GDF5: variants seen among roughly 807,000 people sequenced by gnomAD.
GDF5 encodes growth differentiation factor 5.
Under a neutral mutation model 34.6 loss-of-function variants are expected in GDF5, and 17 were observed. That is an observed-to-expected ratio of 0.49 (90% CI 0.34 to 0.74). GDF5 has a LOEUF of 0.74. Ranked by LOEUF, GDF5 falls within the 30% of genes least tolerant of loss-of-function variation. The probability of loss-of-function intolerance (pLI) is 0.01; values close to 1 mark genes in which losing one functional copy is unlikely to be tolerated. For synonymous variants in GDF5, 332 were observed against 290.7 expected (o/e 1.14, Z -1.44); for missense variants, 616 against 661.2 (o/e 0.93, Z 0.75).
At chr20:35,453,703 G>C (rs2146595000) in intron 1 of GDF5, among the ~76,000 whole-genome samples, 1 of 152,204 alleles carries the variant, frequency 6.6e-6, no homozygotes, top group East Asian at 1.9e-4. Flanking sequence ...TAGCTATTAA[G>C]ATCTTTTTTG....
At chr20:35,452,074 G>A (rs1490583342) in intron 1 of GDF5, among the ~76,000 whole-genome samples, 3 of 152,158 alleles carry the variant, frequency 2.0e-5, no homozygotes, top group African/African-American at 7.2e-5. Context: ...GTGCATGCAA[G>A]GGATCTAGGT....
At chr20:35,454,452 CAA>C (rs5841211) in intron 1 of GDF5, among the ~76,000 whole-genome samples, 18 of 103,206 alleles carry the variant, frequency 1.7e-4, no homozygotes, top group South Asian at 3.0e-4. Context: ...GACTCCATTT[CAA>C]AAAAAAAAAA....
chr20:35,434,200 C>T lies in GDF5; in HGVS notation c.1215G>A (p.Leu405=). Residue 405 remains leucine, a synonymous_variant, in exon 2 of 2, where the codon CTG becomes CTA. Transcript: ENST00000374369. ...NLKARCSRKA[L]HVNFKDMGWD... ...AGCCCATGTCCTTGAAGTTGACATG[C>T]AGTGCCTTCCGACTGCAGCGAGCCT... 1 of 1,614,212 alleles carries T rather than the reference C, an allele frequency of 6.2e-7. No homozygotes were observed. Among genetic ancestry groups the T allele is most frequent in the Non-Finnish European group, 8.5e-7 (1 of 1,180,032 alleles).
At position 35,433,841 on chromosome 20, in the gene GDF5, T is replaced by A; in HGVS notation, c.*68A>T. On this transcript the variant is annotated 3_prime_UTR_variant, in exon 2 of 2. Coordinates refer to ENST00000374369, the MANE Select transcript of GDF5 (RefSeq NM_000557.5). Reference sequence around the variant, plus strand: ...TCCTGCCACAGCTTCCTGACCCCTCTGTGATTCCAGGAGTGCAGGAAGGGG... The same window carrying A: ...TCCTGCCACAGCTTCCTGACCCCTCAGTGATTCCAGGAGTGCAGGAAGGGG... 1.5e-6 allele frequency: 2 copies of A among 1,320,618 alleles called. No homozygotes were observed. Among genetic ancestry groups the A allele is most frequent in the Admixed American group, 3.4e-5 (2 of 59,650 alleles). 81.8% of individuals were successfully genotyped at this position (1,320,618 alleles called of 1,614,324 possible).
rs971897843 is a variant in GDF5 at position 35,433,616 on chromosome 20, C to T, written c.*293G>A. The T allele has an allele frequency of 4.4e-6, 2 of 457,606 alleles. No individual in the cohort carries two copies. 28.3% of individuals were successfully genotyped at this position (457,606 alleles called of 1,614,324 possible). A position where few individuals can be genotyped will look rare whatever the true frequency, so the allele number is the denominator to read the frequency against. Reference sequence around the variant, plus strand: ...GGAGAAATGGTGGGCTGAGTCTCATCGGAAAGCACTGTTTCCTGGGACTCA... The same window carrying T: ...GGAGAAATGGTGGGCTGAGTCTCATTGGAAAGCACTGTTTCCTGGGACTCA... On this transcript the variant is annotated 3_prime_UTR_variant, in exon 2 of 2. Coordinates refer to ENST00000374369, the MANE Select transcript of GDF5 (RefSeq NM_000557.5).
intron 1 of GDF5, among the ~76,000 whole-genome samples, chr20:35,436,574 CAG>C (rs2062473672): frequency 6.6e-6 from 1 of 152,140 alleles, no homozygotes; most frequent in Non-Finnish European, 1.5e-5. Context: ...CCGAGAGAGA[CAG>C]AGGGGAGCAG....
At position 35,451,068 on chromosome 20, in the gene GDF5, T is replaced by TATATATATAA. The variant is rs1568738397; in HGVS notation, c.-398+3571_-398+3572insTTATATATAT. ...AAAAAAAAAAAAAAAAAAAAAAATA[T>TATATATATAA]ATATATATATATATATATATATATA... On this transcript the variant is annotated intron_variant, in intron 1 of 3. Coordinates refer to the GDF5 transcript ENST00000374372. 1.0e-3 allele frequency among the ~76,000 whole-genome samples: 33 copies of TATATATATAA among 31,594 alleles called. 3 individuals carry two copies. Among genetic ancestry groups the TATATATATAA allele is most frequent in the African/African-American group, 1.5e-3 (5 of 3,346 alleles). The allele number at this position is 31,594 out of a possible 152,430, so 20.7% of individuals were successfully genotyped here.
Position 35,437,877 on chromosome 20 carries a change from C to A in GDF5, c.52G>T (p.Asp18Tyr). The part of the protein sequence containing the change: ...TFLLWYLAWL[D>Y]LEFICTVLGA... ...AACACAGTGCAGATGAATTCCAGGT[C>A]CAGCCAAGCCAGGTACCAAAGCAAG... is the stretch of plus-strand genomic sequence containing the variant. Residue 18 changes from aspartate (D) to tyrosine (Y), a missense_variant, in exon 1 of 2, where the codon GAC (aspartate) becomes TAC (tyrosine). Transcript: ENST00000374369. The A allele has an allele frequency of 6.2e-7, 1 of 1,614,102 alleles. No homozygotes were observed. Among genetic ancestry groups the A allele is most frequent in the Non-Finnish European group, 8.5e-7 (1 of 1,180,006 alleles).
chr20:35,438,821 A>ATGTGTGTG (rs1177580555), upstream of GDF5, among the ~76,000 whole-genome samples: 168 of 45,014 alleles, frequency 3.7e-3, 3 homozygotes, highest in Admixed American at 0.011. Flanking sequence ...CTGATTTGTT[A>ATGTGTGTG]TGCGTGTGTG....
rs904250416 is a variant in GDF5, at chr20:35,433,700, G to A, written c.*209C>T. 97 of 635,678 alleles carry A rather than the reference G, an allele frequency of 1.5e-4. No homozygotes were observed. Among genetic ancestry groups the A allele is most frequent in the South Asian group, 1.5e-3 (86 of 57,428 alleles). 39.4% of individuals were successfully genotyped at this position (635,678 alleles called of 1,614,324 possible). ...CCTGCCACTGGTCACATCAGCAGACGGGCAGCAATCCTCAGCCAGGGGAAC... is the reference window on the plus strand; with the variant it reads ...CCTGCCACTGGTCACATCAGCAGACAGGCAGCAATCCTCAGCCAGGGGAAC... On this transcript the variant is annotated 3_prime_UTR_variant, in exon 2 of 2. Transcript: ENST00000374369.
intron 1 of GDF5, among the ~76,000 whole-genome samples, chr20:35,450,698 G>C (rs2062528323): frequency 1.3e-5 from 2 of 151,894 alleles, no homozygotes; most frequent in African/African-American, 4.8e-5. Context: ...CTAGCTTCTT[G>C]TTCCTGGGGT....
intron 1 of GDF5, among the ~76,000 whole-genome samples, chr20:35,452,727 C>T (rs1392198955): frequency 2.0e-5 from 3 of 149,706 alleles, no homozygotes; most frequent in Non-Finnish European, 4.5e-5. Context: ...CGGCCGACTC[C>T]TCATAGTCTT....
In GDF5 at chr20:35,437,723, G is replaced by T. The variant is rs542574339; in HGVS notation, c.206C>A (p.Ala69Asp). 1 of 1,613,172 alleles carries T rather than the reference G, an allele frequency of 6.2e-7. No individual in the cohort carries two copies. The highest frequency in any genetic ancestry group is 8.5e-7 in the Non-Finnish European group (1 of 1,179,700). The stretch of plus-strand genomic sequence containing the variant: ...CTTTGCCCTGGCATTGGCATTGGTG[G>T]CCCCCCCACCATAGCTGTGACCCCC... ...RPGGHSYGGG[A>D]TNANARAKGG... The change falls in exon 1 of 2, where the codon GCC becomes GAC. Residue 69 changes from alanine to aspartate, a missense_variant. Coordinates refer to ENST00000374369, the MANE Select transcript of GDF5 (RefSeq NM_000557.5).
upstream of GDF5, among the ~76,000 whole-genome samples, chr20:35,438,569 G>T (rs1177520300): frequency 2.0e-5 from 3 of 152,152 alleles, no homozygotes; most frequent in Non-Finnish European, 4.4e-5. Flanking sequence ...CATGGCTCAC[G>T]GGGGCTCCTG....
At chr20:35,439,451 T>C (rs1237397125), upstream of GDF5, among the ~76,000 whole-genome samples, 1 of 152,058 alleles carries the variant, frequency 6.6e-6, no homozygotes, top group Non-Finnish European at 1.5e-5. Flanking sequence ...ATGGTCTCGA[T>C]CTCCTGACCT....
intron 1 of GDF5, among the ~76,000 whole-genome samples, chr20:35,450,561 G>C (rs1225592621): frequency 6.6e-6 from 1 of 152,082 alleles, no homozygotes; most frequent in Non-Finnish European, 1.5e-5. Context: ...GGGCCTCGCA[G>C]ATGTTTATAG....
At chr20:35,444,462 G>C (rs1422158758) in intron 1 of GDF5, among the ~76,000 whole-genome samples, 1 of 152,190 alleles carries the variant, frequency 6.6e-6, no homozygotes, top group Non-Finnish European at 1.5e-5. Flanking sequence ...GTACATCTGA[G>C]GTAAGGAGGA....
intron 1 of GDF5, among the ~76,000 whole-genome samples, chr20:35,449,092 C>T (rs1001317505): frequency 3.3e-5 from 5 of 152,184 alleles, no homozygotes; most frequent in African/African-American, 7.2e-5. Context: ...TGCCTTTGCA[C>T]ATGCTGCTTG....
At position 35,437,692 on chromosome 20, in the gene GDF5, G is replaced by A. The variant is rs2062479884; in HGVS notation, c.237C>T (p.Gly79=). The A allele has an allele frequency of 1.9e-6, 3 of 1,613,940 alleles. No individual in the cohort carries two copies. The highest frequency in any genetic ancestry group is 2.7e-5 in the African/African-American group (2 of 74,908). ...ATNANARAKG[G]TGQTGGLTQP... ...GTGTCAGGCCTCCTGTCTGCCCGGT[G>A]CCTCCCTTTGCCCTGGCATTGGCAT... is the stretch of plus-strand genomic sequence containing the variant. Residue 79 remains glycine, a synonymous_variant, in exon 1 of 2, where the codon GGC becomes GGT. Coordinates refer to ENST00000374369, the MANE Select transcript of GDF5 (RefSeq NM_000557.5).
Sources: gnomAD v4.1 joint callset for allele counts (sites outside exome capture counted in the v4.1 genomes callset) on GRCh38, gnomAD v4.1.1 for gene constraint, MANE v1.5 for transcripts, NCBI Gene and HGNC (gene_info 2026-07-23, HGNC 2026-07-21) for gene names.